Variants in GGT5 observed in about 807,000 individuals in gnomAD.
GGT5 encodes glutathione hydrolase 5 proenzyme.
Under a neutral mutation model 58.1 loss-of-function variants are expected in GGT5, and 50 were observed. The ratio of observed to expected loss-of-function variants is 0.86; its 90% CI spans 0.69 to 1.09. The LOEUF is 1.09. Ranked by LOEUF, GGT5 falls within the 50% of genes least tolerant of loss-of-function variation. The pLI is 0.00. For missense variants in GGT5, 800 were observed against 789.4 expected, an observed-to-expected ratio of 1.01 and a Z score of -0.16; for synonymous variants, 370 against 346.1, an observed-to-expected ratio of 1.07 and a Z score of -0.77.
rs928685613 is a variant in GGT5 at position 24,225,598 on chromosome 22, G to T, written c.1284C>A (p.Leu428=). 1 of 1,613,722 alleles carries T rather than the reference G, an allele frequency of 6.2e-7. No homozygotes were observed. Among genetic ancestry groups the T allele is most frequent in the Non-Finnish European group, 8.5e-7 (1 of 1,179,616 alleles). ...GGGGGCATCGCTCGCATAAGTCCAG[G>T]AGCTCGTTGTTGAGGATGATGCCTG... ...PRTGIILNNE[L]LDLCERCPRG... The change falls in exon 9 of 12, where the codon CTC becomes CTA. Residue 428 remains leucine, a synonymous_variant. Transcript: ENST00000327365.
chr22:24,228,417 T>C (rs1323635951), intron 6 of GGT5, among the ~76,000 whole-genome samples: 7 of 150,842 alleles, frequency 4.6e-5, no homozygotes, highest in Non-Finnish European at 7.4e-5. Flanking sequence ...CACTTTTCCA[T>C]GCATCCTACT....
intron 11 of GGT5, among the ~76,000 whole-genome samples, chr22:24,221,467 G>A (rs1056860965): frequency 1.3e-5 from 2 of 152,164 alleles, no homozygotes; most frequent in African/African-American, 4.8e-5. Context: ...CTCAGCTCAA[G>A]AAGAAAGCTT....
rs957154981 is a variant in GGT5 at position 24,222,554 on chromosome 22, G to A, written c.1615-2438C>T. ...GCCTTAGCTGTGAAGGTCCTTGGAG[G>A]CTTAAAGTCTCCAACCCAGAGTTTA... On this transcript the variant is annotated intron_variant, in intron 11 of 11. Transcript: ENST00000327365. 1.1e-4 allele frequency among the ~76,000 whole-genome samples: 16 copies of A among 152,126 alleles called. 1 individual carries two copies. The highest frequency in any genetic ancestry group is 1.6e-4 in the Non-Finnish European group (11 of 68,028).
In GGT5 at chr22:24,225,613, G is replaced by A; in HGVS notation, c.1269C>T (p.Ile423=). 1 of 1,613,302 alleles carries A rather than the reference G, an allele frequency of 6.2e-7. No individual in the cohort carries two copies. Among genetic ancestry groups the A allele is most frequent in the South Asian group, 1.1e-5 (1 of 91,058 alleles). The stretch of plus-strand genomic sequence containing the variant: ...ATAAGTCCAGGAGCTCGTTGTTGAG[G>A]ATGATGCCTGTCCGTGGTGAATACA... ...AMVYSPRTGI[I]LNNELLDLCE... Residue 423 remains isoleucine, a synonymous_variant, in exon 9 of 12, where the codon ATC becomes ATT. Transcript: ENST00000327365.
At position 24,225,010 on chromosome 22, in the gene GGT5, G is replaced by A. The variant is rs1281552204; in HGVS notation, c.1600C>T (p.Pro534Ser). The change falls in exon 11 of 12, where the codon CCC (proline) becomes TCC (serine). Residue 534 changes from proline to serine, a missense_variant. Coordinates refer to ENST00000327365, the MANE Select transcript of GGT5 (RefSeq NM_004121.5). ...VNSKGCVEYE[P>S]NFSQEVQRGL... ...CTCAGCCTCACCTGGCTGAAGTTGG[G>A]CTCGTACTCCACACAGCCCTTGCTG... is the stretch of plus-strand genomic sequence containing the variant. 6.3e-7 allele frequency: 1 copy of A among 1,591,534 alleles called. No individual in the cohort carries two copies. Among genetic ancestry groups the A allele is most frequent in the East Asian group, 2.3e-5 (1 of 43,610 alleles).
chr22:24,233,624 T>A, intron 2 of GGT5, 31 bp from the exon 3 acceptor site: 1 of 1,356,898 alleles, frequency 7.4e-7, no homozygotes, highest in East Asian at 2.4e-5. Flanking sequence ...TGAGTGGTCA[T>A]GGACCCTGCA....
At chr22:24,220,758 G>A (rs772223656) in intron 11 of GGT5, 40 of 445,318 alleles carry the variant, frequency 9.0e-5, no homozygotes, top group Admixed American at 4.9e-4. Context: ...TGGGCTGGGC[G>A]TGGTGGCTCA....
chr22:24,220,860 C>T (rs1352171848), intron 11 of GGT5: 5 of 334,426 alleles, frequency 1.5e-5, no homozygotes, highest in South Asian at 2.4e-5. Flanking sequence ...AGCAAGATCA[C>T]GTCTTTATTA....
intron 6 of GGT5, among the ~76,000 whole-genome samples, chr22:24,229,448 G>A (rs2047875385): frequency 6.6e-6 from 1 of 151,916 alleles, no homozygotes; most frequent in Admixed American, 6.6e-5. Context: ...GGAACTCAAG[G>A]GGAAGGGTGG....
intron 1 of GGT5, chr22:24,241,354 T>C (rs2048324296): frequency 1.3e-5 from 2 of 152,296 alleles, no homozygotes; most frequent in African/African-American, 4.8e-5. Context: ...AGGCTATAAA[T>C]TCAGGTAAGA....
chr22:24,238,017 C>A (rs1356578878), intron 1 of GGT5, among the ~76,000 whole-genome samples: 1 of 151,904 alleles, frequency 6.6e-6, no homozygotes, highest in African/African-American at 2.4e-5. Flanking sequence ...CACCTGAGGT[C>A]AGGAGTTCGA....
At chr22:24,232,278 T>C (rs1291930388) in intron 4 of GGT5, 70 bp from the exon 5 acceptor site, 7 of 899,198 alleles carry the variant, frequency 7.8e-6, no homozygotes, top group Non-Finnish European at 1.2e-5. Context: ...GGGGCTCTCA[T>C]GGGTGGAGTC....
intron 1 of GGT5, chr22:24,241,671 A>G (rs1601435688): frequency 6.6e-6 from 1 of 152,284 alleles, no homozygotes; most frequent in East Asian, 1.9e-4. Context: ...ACATAAATTA[A>G]CCATCAGGAA....
intron 1 of GGT5, among the ~76,000 whole-genome samples, chr22:24,240,072 C>A (rs1057309151): frequency 6.6e-6 from 1 of 152,058 alleles, no homozygotes. Flanking sequence ...GGCAGCAGAG[C>A]AAGACTCCCT....
chr22:24,234,039 C>T, intron 1 of GGT5, 35 bp from the exon 2 acceptor site: 1 of 1,570,520 alleles, frequency 6.4e-7, no homozygotes, highest in Non-Finnish European at 8.6e-7. Context: ...TGTGGGGCTC[C>T]CCTCCCCCTG....
intron 6 of GGT5, among the ~76,000 whole-genome samples, chr22:24,230,386 A>T (rs903936370): frequency 4.7e-5 from 7 of 150,384 alleles, no homozygotes; most frequent in Non-Finnish European, 8.9e-5. Context: ...AAAAAAAAAA[A>T]GGAAAAAAAG....
chr22:24,219,844 C>T lies in GGT5; in HGVS notation c.*126G>A, dbSNP rs572111082. The T allele has an allele frequency of 4.1e-5, 36 of 885,086 alleles. No homozygotes were observed. The East Asian group carries it at 8.6e-4, about 21-fold the overall frequency. The allele number at this position is 885,086 out of a possible 1,614,324, so 54.8% of individuals were successfully genotyped here. ...CCCAGCTGGTCCCCGCCACCTCTTC[C>T]ACTCTCAGCTGGACTCCCCTGCCAG... On this transcript the variant is annotated 3_prime_UTR_variant, in exon 12 of 12. Coordinates refer to ENST00000327365, the MANE Select transcript of GGT5 (RefSeq NM_004121.5).
At chr22:24,225,131 G>A (rs2047711660) in intron 10 of GGT5, 25 bp from the exon 11 acceptor site, 1 of 1,583,262 alleles carries the variant, frequency 6.3e-7, no homozygotes, top group African/African-American at 1.3e-5. Context: ...AGGGTTTCAG[G>A]GAGAAAGGGG....
rs2047754681 is a variant in GGT5, at chr22:24,226,129, A to G, written c.1176T>C (p.Ser392=). The change falls in exon 8 of 12, where the codon TCT becomes TCC. Residue 392 remains serine, a synonymous_variant. Transcript: ENST00000327365. ...WGHGTGTSHV[S]VLGEDGSAVA... is the part of the protein sequence containing the mutation. The stretch of plus-strand genomic sequence containing the variant: ...CGGCGCTGCCATCCTCCCCCAGCAC[A>G]GACACATGGGACGTGCCTGTCCCGT... The G allele has an allele frequency of 1.2e-6, 2 of 1,610,552 alleles. No homozygotes were observed. The highest frequency in any genetic ancestry group is 1.7e-6 in the Non-Finnish European group (2 of 1,179,120).
Sources: gnomAD v4.1 joint callset for allele counts (sites outside exome capture counted in the v4.1 genomes callset) on GRCh38, gnomAD v4.1.1 for gene constraint, MANE v1.5 for transcripts, NCBI Gene and HGNC (gene_info 2026-07-23, HGNC 2026-07-21) for gene names.